The following SEMA3C variants were observed in gnomAD, a reference collection of about 807,000 sequenced individuals.
The protein encoded by SEMA3C is semaphorin-3C.
Under a neutral mutation model 89.4 loss-of-function variants are expected in SEMA3C, and 47 were observed. The ratio of observed to expected loss-of-function variants is 0.53; its 90% CI spans 0.42 to 0.67. The LOEUF (loss-of-function observed/expected upper bound fraction) is 0.67. SEMA3C is among the 30% of genes least tolerant of loss of function. SEMA3C has a pLI of 0.00. For synonymous variants in SEMA3C, 310 were observed against 320.2 expected (o/e 0.97, Z 0.34); for missense variants, 839 against 929.1 (o/e 0.90, Z 1.26).
At chr7:80,915,493 G>A (rs541363700) in intron 2 of SEMA3C, among the ~76,000 whole-genome samples, 10 of 152,230 alleles carry the variant, frequency 6.6e-5, no homozygotes, top group African/African-American at 2.4e-4. Context: ...AGGCGTGGTG[G>A]CTCACCTCGG....
upstream of SEMA3C, among the ~76,000 whole-genome samples, chr7:80,920,367 T>TA (rs1437622088): frequency 6.6e-6 from 1 of 152,194 alleles, no homozygotes; most frequent in Non-Finnish European, 1.5e-5. Context: ...ATCTCCACCT[T>TA]ATACCTGACA....
At chr7:80,823,218 G>A (rs1413576262) in intron 4 of SEMA3C, among the ~76,000 whole-genome samples, 1 of 152,114 alleles carries the variant, frequency 6.6e-6, no homozygotes. Context: ...TGTGTACTAT[G>A]CACTGCTCTA....
intron 16 of SEMA3C, among the ~76,000 whole-genome samples, chr7:80,749,966 A>G (rs1229641942): frequency 6.6e-6 from 1 of 152,166 alleles, no homozygotes; most frequent in Non-Finnish European, 1.5e-5. Flanking sequence ...ATAAAATAGC[A>G]AATGGAGAAA....
chr7:80,793,122 C>T (rs1788981866), intron 11 of SEMA3C, among the ~76,000 whole-genome samples: 1 of 152,178 alleles, frequency 6.6e-6, no homozygotes, highest in African/African-American at 2.4e-5. Flanking sequence ...TGTTTTTCCT[C>T]AGTTCTTCCA....
rs139811700 is a variant in SEMA3C at position 80,916,834 on chromosome 7, C to T, written c.-38-15G>A. The stretch of plus-strand genomic sequence containing the variant: ...AGGGAAAATACCTTTAAGAGAGAGA[C>T]AACATGTTTGTTATATCTCATTTCA... On this transcript the variant is annotated splice_polypyrimidine_tract_variant and intron_variant, in intron 1 of 17. Transcript: ENST00000265361. 1 of 1,603,010 alleles carries T rather than the reference C, an allele frequency of 6.2e-7. No homozygotes were observed. The highest frequency in any genetic ancestry group is 2.2e-5 in the East Asian group (1 of 44,690).
intron 2 of SEMA3C, among the ~76,000 whole-genome samples, chr7:80,834,872 T>G (rs1042160015): frequency 1.3e-5 from 2 of 152,234 alleles, no homozygotes; most frequent in African/African-American, 4.8e-5. Context: ...ACAATGTTAA[T>G]GCTATGTAAA....
At chr7:80,751,922 A>G (rs941132797) in intron 15 of SEMA3C, among the ~76,000 whole-genome samples, 6 of 152,210 alleles carry the variant, frequency 3.9e-5, no homozygotes, top group African/African-American at 9.7e-5. Context: ...TCTACAGAAA[A>G]GTACAGATAT....
intron 4 of SEMA3C, among the ~76,000 whole-genome samples, chr7:80,818,622 T>C (rs1253309147): frequency 2.0e-5 from 3 of 151,918 alleles, no homozygotes; most frequent in African/African-American, 7.3e-5. Context: ...TAAAATACGC[T>C]AACACTAACA....
At chr7:80,848,149 T>C (rs78009907) in intron 2 of SEMA3C, among the ~76,000 whole-genome samples, 2 of 152,328 alleles carry the variant, frequency 1.3e-5, no homozygotes, top group African/African-American at 2.4e-5. Flanking sequence ...TTTGAGTATG[T>C]CTAGTTTGCT....
intron 2 of SEMA3C, among the ~76,000 whole-genome samples, chr7:80,838,408 G>A (rs955907093): frequency 2.0e-5 from 3 of 152,074 alleles, no homozygotes; most frequent in Non-Finnish European, 4.4e-5. Context: ...CTATTGTTGT[G>A]GGATATCTGT....
intron 2 of SEMA3C, among the ~76,000 whole-genome samples, chr7:80,915,206 T>C (rs1330333669): frequency 6.6e-6 from 1 of 152,184 alleles, no homozygotes; most frequent in East Asian, 1.9e-4. Context: ...GTGGGTAGTC[T>C]GTAAGATGCT....
chr7:80,901,557 C>T (rs967644033), intron 2 of SEMA3C, among the ~76,000 whole-genome samples: 13 of 152,222 alleles, frequency 8.5e-5, no homozygotes, highest in African/African-American at 2.9e-4. Context: ...AAGCACACTA[C>T]ATTTAATCAC....
rs1788879437 is a variant in SEMA3C, at chr7:80,789,353, C to A, written c.1307G>T (p.Arg436Leu). 6.2e-7 allele frequency: 1 copy of A among 1,613,854 alleles called. No individual in the cohort carries two copies. Among genetic ancestry groups the A allele is most frequent in the South Asian group, 1.1e-5 (1 of 91,052 alleles). The part of the protein sequence containing the change: ...DYKYTKIAVD[R>L]VNAADGRYHV... ...GTATCTCCCATCAGCAGCGTTCACT[C>A]GATCCACAGCTATCTTTGTATACTT... The change falls in exon 12 of 18, where the codon CGA (arginine) becomes CTA (leucine). Residue 436 changes from arginine (R) to leucine (L), a missense_variant. Transcript: ENST00000265361.
intron 2 of SEMA3C, among the ~76,000 whole-genome samples, chr7:80,863,256 A>G (rs542472260): frequency 6.6e-6 from 1 of 151,464 alleles, no homozygotes; most frequent in Non-Finnish European, 1.5e-5. Context: ...ATAGCTCAAC[A>G]TCACTAATGA....
chr7:80,853,459 A>G (rs1429905984), intron 2 of SEMA3C, among the ~76,000 whole-genome samples: 2 of 152,214 alleles, frequency 1.3e-5, no homozygotes, highest in Non-Finnish European at 2.9e-5. Flanking sequence ...CGATCCTGTC[A>G]TTTGCACAAC....
At chr7:80,884,012 A>C (rs992221404) in intron 2 of SEMA3C, among the ~76,000 whole-genome samples, 1 of 152,190 alleles carries the variant, frequency 6.6e-6, no homozygotes, top group Non-Finnish European at 1.5e-5. Flanking sequence ...CCACTTTATG[A>C]GCAGAAATTC....
chr7:80,911,139 G>A lies in SEMA3C; in HGVS notation c.103+5540C>T, dbSNP rs373373491. 9.9e-5 allele frequency among the ~76,000 whole-genome samples: 15 copies of A among 152,154 alleles called. No homozygotes were observed. In the East Asian group the frequency reaches 2.5e-3, roughly 26 times the overall value. ...ATGAATTTTATTTCATTTTCAGGCA[G>A]GTTTGATGTTCTAAGAGCAATGTAA... On this transcript the variant is annotated intron_variant, in intron 2 of 17. Coordinates refer to ENST00000265361, the MANE Select transcript of SEMA3C (RefSeq NM_006379.5).
intron 12 of SEMA3C, among the ~76,000 whole-genome samples, chr7:80,786,558 C>G (rs1562874384): frequency 3.3e-5 from 5 of 152,134 alleles, no homozygotes. Context: ...AAAAAGAAAA[C>G]TGTTTTTCTA....
chr7:80,804,067 C>G (rs779911084), intron 8 of SEMA3C, 39 bp downstream of exon 8: 1 of 1,533,700 alleles, frequency 6.5e-7, no homozygotes, highest in East Asian at 2.4e-5. Flanking sequence ...ATTTGAATTT[C>G]TTGGTCTTTC....
Sources: gnomAD v4.1 joint callset for allele counts (sites outside exome capture counted in the v4.1 genomes callset) on GRCh38, gnomAD v4.1.1 for gene constraint, MANE v1.5 for transcripts, NCBI Gene and HGNC (gene_info 2026-07-23, HGNC 2026-07-21) for gene names.